FILIP1: variants seen among roughly 807,000 people sequenced by gnomAD.
The protein encoded by FILIP1 is filamin A interacting protein 1, also known as filamin-A-interacting protein 1.
Under a neutral mutation model 102.1 loss-of-function variants are expected in FILIP1, and 61 were observed. The observed-to-expected ratio is 0.60, with a 90% CI of 0.49 to 0.74. FILIP1 has a LOEUF of 0.74. Ranked by LOEUF, FILIP1 falls within the 30% of genes least tolerant of loss-of-function variation. The pLI is 0.00. For synonymous variants in FILIP1, 491 were observed against 526.9 expected (o/e 0.93, Z 0.93); for missense variants, 1,314 against 1,441.2 (o/e 0.91, Z 1.43).
At chr6:75,367,804 A>C (rs1407378038) in intron 2 of FILIP1, 1 of 152,208 alleles carries the variant, frequency 6.6e-6, no homozygotes, top group East Asian at 1.9e-4. Flanking sequence ...TTTGGGGATA[A>C]AACAACTTTA....
chr6:75,422,982 C>T (rs2149698009), intron 1 of FILIP1, among the ~76,000 whole-genome samples: 1 of 152,228 alleles, frequency 6.6e-6, no homozygotes, highest in Non-Finnish European at 1.5e-5. Context: ...CTGGCAACAT[C>T]AACAACACAT....
intron 1 of FILIP1, among the ~76,000 whole-genome samples, chr6:75,453,745 A>G (rs547759435): frequency 6.6e-6 from 1 of 152,280 alleles, no homozygotes; most frequent in East Asian, 1.9e-4. Flanking sequence ...CCAGGGGTTC[A>G]AGGTCACTGT....
Position 75,418,995 on chromosome 6 carries a change from C to G in FILIP1, c.-6-4017G>C, listed in dbSNP as rs561338206. On this transcript the variant is annotated intron_variant, in intron 1 of 5. Coordinates refer to ENST00000237172, the MANE Select transcript of FILIP1 (RefSeq NM_015687.5). ...CTCTCCTTTTCATCTGCGTCCCCCC[C>G]ACCCCCTGCAGCCTCCCATTAATTG... Among the ~76,000 whole-genome samples the G allele has an allele frequency of 5.9e-5, 9 of 152,176 alleles. No individual in the cohort carries two copies. The South Asian group carries it at 1.0e-3, about 18-fold the overall frequency.
At chr6:75,294,421 A>G (rs1772614820) in exon 7 of FILIP1, 1 of 151,998 alleles carries the variant, frequency 6.6e-6, no homozygotes. Context: ...TACTAAAAAC[A>G]TGTCCATATT....
chr6:75,414,951 C>T lies in FILIP1; in HGVS notation c.22G>A (p.Gly8Ser). The T allele has an allele frequency of 6.2e-7, 1 of 1,613,664 alleles. No individual in the cohort carries two copies. Among genetic ancestry groups the T allele is most frequent in the African/African-American group, 1.3e-5 (1 of 75,010 alleles). ...ATATGCCCATCAGATGCACTTTCAC[C>T]ACCTTGGTTTCGAGATCTCATTCCC... The part of the protein sequence containing the change: MRSRNQG[G>S]ESASDGHISC... Residue 8 changes from glycine to serine, a missense_variant, in exon 2 of 6, where the codon GGT becomes AGT. By Grantham distance (56) the Gly-to-Ser change is moderately conservative. Coordinates refer to ENST00000237172, the MANE Select transcript of FILIP1 (RefSeq NM_015687.5).
chr6:75,415,305 T>C (rs1048607269), intron 1 of FILIP1, among the ~76,000 whole-genome samples: 1 of 151,934 alleles, frequency 6.6e-6, no homozygotes, highest in Non-Finnish European at 1.5e-5. Flanking sequence ...CTAATGGAGA[T>C]GTCAATTATA....
intron 1 of FILIP1, among the ~76,000 whole-genome samples, chr6:75,471,516 C>G (rs142460385): frequency 6.6e-6 from 1 of 152,210 alleles, no homozygotes; most frequent in South Asian, 2.1e-4. Flanking sequence ...ATAAGTATTG[C>G]GCATTCACGG....
chr6:75,369,071 C>G (rs980298416), intron 2 of FILIP1, among the ~76,000 whole-genome samples: 4 of 152,144 alleles, frequency 2.6e-5, no homozygotes, highest in Admixed American at 6.5e-5. Flanking sequence ...TGTGTTAGCT[C>G]AAGGTTCTTG....
At chr6:75,342,653 G>A (rs75095204) in intron 4 of FILIP1, among the ~76,000 whole-genome samples, 2,779 of 152,270 alleles carry the variant, frequency 0.018, 76 homozygotes, top group East Asian at 0.11. Context: ...AGGTGGATGA[G>A]AGGTCATCTG....
chr6:75,332,229 G>T (rs1018427407), intron 4 of FILIP1, among the ~76,000 whole-genome samples: 4 of 152,148 alleles, frequency 2.6e-5, no homozygotes, highest in Non-Finnish European at 4.4e-5. Flanking sequence ...TCTCCCCAAA[G>T]AGGACAACAA....
At chr6:75,452,439 C>A (rs894520589) in intron 1 of FILIP1, among the ~76,000 whole-genome samples, 5 of 152,094 alleles carry the variant, frequency 3.3e-5, no homozygotes, top group African/African-American at 7.2e-5. Context: ...GACATGAACT[C>A]ATCATTTTTT....
intron 4 of FILIP1, among the ~76,000 whole-genome samples, chr6:75,344,502 G>T (rs192842112): frequency 1.3e-5 from 2 of 152,298 alleles, no homozygotes; most frequent in Admixed American, 6.5e-5. Flanking sequence ...ACTAAAATGG[G>T]GTCAGTTAGC....
At chr6:75,450,494 A>T (rs1290500629) in intron 1 of FILIP1, among the ~76,000 whole-genome samples, 1 of 152,002 alleles carries the variant, frequency 6.6e-6, no homozygotes, top group Admixed American at 6.5e-5. Flanking sequence ...TTAAAAAATT[A>T]AAAAATTAGC....
chr6:75,465,063 C>A (rs1392490436), intron 1 of FILIP1: 1 of 157,644 alleles, frequency 6.3e-6, no homozygotes, highest in Non-Finnish European at 1.4e-5. Flanking sequence ...TACTACGATG[C>A]CTTCTTAACA....
chr6:75,316,630 C>T (rs957702419), intron 4 of FILIP1, among the ~76,000 whole-genome samples: 15 of 152,046 alleles, frequency 9.9e-5, no homozygotes, highest in Admixed American at 3.3e-4. Flanking sequence ...CTGATCATGT[C>T]GTTAAGATTT....
chr6:75,372,782 G>C (rs1327953822), intron 2 of FILIP1, among the ~76,000 whole-genome samples: 1 of 82,236 alleles, frequency 1.2e-5, no homozygotes, highest in Non-Finnish European at 2.6e-5. Context: ...AAGAAAGAAA[G>C]AAAGAAAGAA....
chr6:75,340,737 T>C (rs6933680), intron 4 of FILIP1, among the ~76,000 whole-genome samples: 111,659 of 151,828 alleles, frequency 0.74, 41,607 homozygotes, highest in African/African-American at 0.86. Context: ...ACTTTGTCAC[T>C]CAGGCTGCAA....
intron 4 of FILIP1, among the ~76,000 whole-genome samples, chr6:75,333,775 A>G (rs1368870120): frequency 1.3e-5 from 2 of 152,170 alleles, no homozygotes; most frequent in African/African-American, 4.8e-5. Flanking sequence ...GCACTAAATC[A>G]AGCTATTTAT....
chr6:75,451,094 T>C (rs563028309), intron 1 of FILIP1, among the ~76,000 whole-genome samples: 1 of 152,100 alleles, frequency 6.6e-6, no homozygotes, highest in African/African-American at 2.4e-5. Context: ...AACCACATGT[T>C]TCACAATTTC....
Sources: allele counts gnomAD v4.1 joint callset (sites outside exome capture counted in the v4.1 genomes callset), GRCh38; gene constraint gnomAD v4.1.1; transcripts MANE v1.5; gene names NCBI Gene and HGNC (gene_info 2026-07-23, HGNC 2026-07-21).